CIB4: variants seen among roughly 807,000 people sequenced by gnomAD.
The protein encoded by CIB4 is calcium and integrin binding family member 4.
In CIB4, 25 loss-of-function variants were observed where a neutral mutation model predicts 25.8. The ratio of observed to expected loss-of-function variants is 0.97; its 90% CI spans 0.71 to 1.35. The LOEUF is 1.35. CIB4 is among the 40% of genes most tolerant of loss of function. The pLI, the probability that CIB4 is intolerant of heterozygous loss-of-function variation, is 0.00. For synonymous variants in CIB4, 75 were observed against 81.4 expected, an observed-to-expected ratio of 0.92 and a Z score of 0.42; for missense variants, 235 against 228.2, an observed-to-expected ratio of 1.03 and a Z score of -0.19.
At position 26,641,359 on chromosome 2, in the gene CIB4, A is replaced by C; in HGVS notation, c.-45T>G. On this transcript the variant is annotated 5_prime_UTR_variant, in exon 1 of 7. Transcript: ENST00000288861. ...CTGCCAGCAGTAGAACCTCAGCCTC[A>C]AGGACTCGCCAGCTGAGGCACCTCG... is the stretch of plus-strand genomic sequence containing the variant. The C allele has an allele frequency of 1.7e-4, 265 of 1,545,302 alleles. No homozygotes were observed. Among genetic ancestry groups the C allele is most frequent in the Non-Finnish European group, 2.2e-4 (243 of 1,117,358 alleles).
rs1558558349 is a variant in CIB4 at position 26,595,296 on chromosome 2, T to A, written c.208A>T (p.Ile70Phe). The A allele has an allele frequency of 6.2e-7, 1 of 1,613,946 alleles. No homozygotes were observed. Among genetic ancestry groups the A allele is most frequent in the East Asian group, 2.2e-5 (1 of 44,864 alleles). ...CCTTTGTGGGAGAACACTCTGCAGATACGGTCTCTGAAAGGGTTGACCTGT... is the reference window on the plus strand; with the variant it reads ...CCTTTGTGGGAGAACACTCTGCAGAAACGGTCTCTGAAAGGGTTGACCTGT... ...ALRVNPFRDRICRVFSHKGMF... is the reference protein window; with the variant it reads ...ALRVNPFRDRFCRVFSHKGMF... Residue 70 changes from isoleucine (I) to phenylalanine (F), a missense_variant, in exon 4 of 7, where the codon ATC becomes TTC. Transcript: ENST00000288861.
intron 3 of CIB4, among the ~76,000 whole-genome samples, chr2:26,621,266 A>AC (rs1277761240): frequency 2.0e-5 from 3 of 151,330 alleles, no homozygotes; most frequent in Non-Finnish European, 2.9e-5. Context: ...AAAAAAAAAA[A>AC]AAAAACAGGG....
intron 3 of CIB4, among the ~76,000 whole-genome samples, chr2:26,616,897 G>A (rs944420892): frequency 6.6e-6 from 1 of 152,170 alleles, no homozygotes; most frequent in African/African-American, 2.4e-5. Context: ...GAAGGGCAGG[G>A]CCTCTTCATA....
At chr2:26,623,483 C>CT in intron 3 of CIB4, 1 of 470,574 alleles carries the variant, frequency 2.1e-6, no homozygotes, top group Non-Finnish European at 4.4e-6. Flanking sequence ...GGAGTGAGTT[C>CT]TTTGCAAGCT....
At chr2:26,626,356 G>A (rs1268312142) in intron 3 of CIB4, among the ~76,000 whole-genome samples, 1 of 147,934 alleles carries the variant, frequency 6.8e-6, no homozygotes, top group African/African-American at 2.5e-5. Flanking sequence ...GAGACCAGAT[G>A]GAAAAGCAAG....
At chr2:26,636,316 T>C (rs1669531938) in intron 2 of CIB4, among the ~76,000 whole-genome samples, 1 of 152,346 alleles carries the variant, frequency 6.6e-6, no homozygotes, top group Non-Finnish European at 1.5e-5. Context: ...TGCAAGTCTT[T>C]TTGTTTTTCC....
At position 26,582,755 on chromosome 2, in the gene CIB4, G is replaced by A. The variant is rs1668370911; in HGVS notation, c.527+70C>T. On this transcript the variant is annotated intron_variant, in intron 6 of 6. Transcript: ENST00000288861. ...AAGACTGAGATGTCCCATGGAGTGAGGAGAGACTGGGGGCCCTTCCTGCCC... is the reference window on the plus strand; with the variant it reads ...AAGACTGAGATGTCCCATGGAGTGAAGAGAGACTGGGGGCCCTTCCTGCCC... 4 of 902,018 alleles carry A rather than the reference G, an allele frequency of 4.4e-6. No homozygotes were observed. The Admixed American group carries it at 5.5e-5, about 12-fold the overall frequency. 55.9% of individuals were successfully genotyped at this position (902,018 alleles called of 1,614,324 possible). A position where few individuals can be genotyped will look rare whatever the true frequency, so the allele number is the denominator to read the frequency against.
At chr2:26,608,693 G>A (rs1197647087) in intron 3 of CIB4, among the ~76,000 whole-genome samples, 1 of 152,178 alleles carries the variant, frequency 6.6e-6, no homozygotes, top group Non-Finnish European at 1.5e-5. Context: ...GTGGTGTGAA[G>A]CGCAGACCAC....
chr2:26,585,827 C>T (rs967919495), intron 4 of CIB4, among the ~76,000 whole-genome samples: 1 of 152,100 alleles, frequency 6.6e-6, no homozygotes. Context: ...AATAGTCCCT[C>T]ATATGCTACC....
At chr2:26,595,021 A>G (rs973184588) in intron 4 of CIB4, among the ~76,000 whole-genome samples, 155 bp downstream of exon 4, 2 of 150,392 alleles carry the variant, frequency 1.3e-5, no homozygotes, top group Non-Finnish European at 3.0e-5. Context: ...TTTTTTTTTT[A>G]TTCCATGGTA....
At chr2:26,638,832 G>T (rs1249771680) in intron 2 of CIB4, among the ~76,000 whole-genome samples, 1 of 152,074 alleles carries the variant, frequency 6.6e-6, no homozygotes, top group Non-Finnish European at 1.5e-5. Context: ...GGCACCTGTA[G>T]TCCCAGCTAC....
chr2:26,588,982 T>TTCTTCTTCTTCTTCTTCTTCC lies in CIB4; in HGVS notation c.329-5085_329-5084insGGAAGAAGAAGAAGAAGAAGA, dbSNP rs1558554471. On this transcript the variant is annotated intron_variant, in intron 4 of 6. Coordinates refer to ENST00000288861, the MANE Select transcript of CIB4 (RefSeq NM_001029881.3). ...TGCCGCTGCTGCCGCTTCTTCTTTC[T>TTCTTCTTCTTCTTCTTCTTCC]TCTTCTTCTTCTTCTTCTTCTTCTT... Among the ~76,000 whole-genome samples, 8 of 22,570 alleles carry TTCTTCTTCTTCTTCTTCTTCC rather than the reference T, an allele frequency of 3.5e-4. 2 individuals carry two copies. Among genetic ancestry groups the TTCTTCTTCTTCTTCTTCTTCC allele is most frequent in the African/African-American group, 1.0e-3 (8 of 7,766 alleles). The allele number at this position is 22,570 out of a possible 152,430, so 14.8% of individuals were successfully genotyped here.
chr2:26,623,063 G>T, intron 3 of CIB4, among the ~76,000 whole-genome samples: 1 of 151,794 alleles, frequency 6.6e-6, no homozygotes, highest in East Asian at 1.9e-4. Flanking sequence ...AAAAATTAAG[G>T]CTAGGTATGG....
Position 26,599,274 on chromosome 2 carries a change from G to A in CIB4, c.187-3957C>T, listed in dbSNP as rs114191125. Among the ~76,000 whole-genome samples, 656 of 152,238 alleles carry A rather than the reference G, an allele frequency of 4.3e-3. 6 individuals are homozygous for A. Among genetic ancestry groups the A allele is most frequent in the African/African-American group, 8.5e-3 (353 of 41,522 alleles). The stretch of plus-strand genomic sequence containing the variant: ...CTCAGTGTATGATCTCCATTTATAC[G>A]TGATGAAACTAAAGTAGATGAAAAT... On this transcript the variant is annotated intron_variant, in intron 3 of 6. Transcript: ENST00000288861.
At chr2:26,617,824 G>A (rs1190844369) in intron 3 of CIB4, among the ~76,000 whole-genome samples, 4 of 152,140 alleles carry the variant, frequency 2.6e-5, no homozygotes, top group African/African-American at 4.8e-5. Flanking sequence ...CCCTGAGTTC[G>A]TGACAGCCAG....
intron 4 of CIB4, among the ~76,000 whole-genome samples, chr2:26,589,977 G>A (rs1668554903): frequency 6.6e-6 from 1 of 152,180 alleles, no homozygotes; most frequent in East Asian, 1.9e-4. Flanking sequence ...ACTGTTGGCA[G>A]AACAGGAAGC....
At chr2:26,616,134 C>T (rs1364242305) in intron 3 of CIB4, among the ~76,000 whole-genome samples, 1 of 152,162 alleles carries the variant, frequency 6.6e-6, no homozygotes, top group Non-Finnish European at 1.5e-5. Flanking sequence ...ACAACTCCCT[C>T]CTCAAACAGT....
At chr2:26,595,897 G>GCGCACACACA (rs1491112511) in intron 3 of CIB4, among the ~76,000 whole-genome samples, 5 of 32,148 alleles carry the variant, frequency 1.6e-4, no homozygotes, top group African/African-American at 2.6e-4. Context: ...TTATCTGCGC[G>GCGCACACACA]CACACACACA....
At chr2:26,585,441 G>A (rs931322081) in intron 4 of CIB4, among the ~76,000 whole-genome samples, 1 of 152,066 alleles carries the variant, frequency 6.6e-6, no homozygotes, top group Non-Finnish European at 1.5e-5. Flanking sequence ...GGCAGGTGAG[G>A]TGATGTCCGG....
Sources: gnomAD v4.1 joint callset for allele counts (sites outside exome capture counted in the v4.1 genomes callset) on GRCh38, gnomAD v4.1.1 for gene constraint, MANE v1.5 for transcripts, NCBI Gene and HGNC (gene_info 2026-07-23, HGNC 2026-07-21) for gene names.